Variants in DTNB observed in about 807,000 individuals in gnomAD.
DTNB encodes the protein dystrobrevin beta.
DTNB carries 63 observed loss-of-function variants against 90.7 expected under a neutral mutation model. The ratio of observed to expected loss-of-function variants is 0.69; its 90% CI spans 0.57 to 0.86. The LOEUF (loss-of-function observed/expected upper bound fraction) is 0.86. Among genes scored for constraint, DTNB ranks in the 40% least tolerant of loss-of-function variants. The pLI is 0.00. For synonymous variants in DTNB, 277 were observed against 286.7 expected, an observed-to-expected ratio of 0.97 and a Z score of 0.34; for missense variants, 744 against 807.1, an observed-to-expected ratio of 0.92 and a Z score of 0.95.
intron 12 of DTNB, among the ~76,000 whole-genome samples, chr2:25,444,210 C>T (rs1046225492): frequency 6.6e-6 from 1 of 151,994 alleles, no homozygotes; most frequent in African/African-American, 2.4e-5. Flanking sequence ...TACAATTTAC[C>T]ACACATTATA....
chr2:25,562,547 C>T (rs566697514), intron 8 of DTNB, among the ~76,000 whole-genome samples: 7 of 152,308 alleles, frequency 4.6e-5, no homozygotes, highest in Admixed American at 1.3e-4. Context: ...TTCCCACCAA[C>T]GAAGTATAAG....
chr2:25,453,290 G>C (rs1040326167), intron 11 of DTNB, among the ~76,000 whole-genome samples: 2 of 152,172 alleles, frequency 1.3e-5, no homozygotes, highest in Non-Finnish European at 2.9e-5. Flanking sequence ...ATGTTTTCTA[G>C]CCAGAAACTA....
intron 10 of DTNB, 137 bp from the exon 11 acceptor site, chr2:25,455,631 C>A (rs947468488): frequency 4.3e-6 from 3 of 696,358 alleles, no homozygotes; most frequent in Non-Finnish European, 7.1e-6. Flanking sequence ...CAATAAAAAA[C>A]CCACAATGCA....
At chr2:25,596,920 C>T (rs2064786069) in intron 5 of DTNB, among the ~76,000 whole-genome samples, 1 of 152,158 alleles carries the variant, frequency 6.6e-6, no homozygotes, top group Non-Finnish European at 1.5e-5. Flanking sequence ...ACTTTATCTG[C>T]TTGCAGGGAG....
chr2:25,633,042 A>G (rs1379968903), intron 3 of DTNB, among the ~76,000 whole-genome samples: 1 of 152,256 alleles, frequency 6.6e-6, no homozygotes. Context: ...GTACATAGAA[A>G]TCAAAGATTC....
At chr2:25,471,700 C>G (rs1464604309) in intron 10 of DTNB, among the ~76,000 whole-genome samples, 1 of 152,128 alleles carries the variant, frequency 6.6e-6, no homozygotes. Flanking sequence ...CCGCATCTGG[C>G]CTGCATCAAA....
chr2:25,504,626 G>C (rs753121596), intron 9 of DTNB, among the ~76,000 whole-genome samples: 7 of 151,786 alleles, frequency 4.6e-5, no homozygotes, highest in Non-Finnish European at 8.8e-5. Context: ...AAGATGGAAG[G>C]AAGGAAGGAA....
At chr2:25,386,283 T>C (rs553072616) in intron 18 of DTNB, among the ~76,000 whole-genome samples, 1 of 152,318 alleles carries the variant, frequency 6.6e-6, no homozygotes, top group South Asian at 2.1e-4. Context: ...ACATGTGAGC[T>C]TTCTCCTACG....
At chr2:25,668,425 T>C (rs1445980274) in intron 1 of DTNB, among the ~76,000 whole-genome samples, 1 of 152,220 alleles carries the variant, frequency 6.6e-6, no homozygotes, top group Non-Finnish European at 1.5e-5. Flanking sequence ...ATTTATTCTG[T>C]CTGTACTGTT....
chr2:25,563,930 G>A (rs960793178), intron 8 of DTNB, among the ~76,000 whole-genome samples: 16 of 151,168 alleles, frequency 1.1e-4, no homozygotes, highest in African/African-American at 3.2e-4. Flanking sequence ...TCACTCTGTC[G>A]CCCAGGCTGC....
chr2:25,647,196 A>C (rs1245746084), intron 2 of DTNB, among the ~76,000 whole-genome samples: 2 of 152,232 alleles, frequency 1.3e-5, no homozygotes, highest in Non-Finnish European at 2.9e-5. Context: ...GGGTAACTAC[A>C]CAATGACAAA....
intron 9 of DTNB, among the ~76,000 whole-genome samples, chr2:25,488,998 T>G (rs560255292): frequency 1.3e-5 from 2 of 152,182 alleles, no homozygotes; most frequent in African/African-American, 2.4e-5. Flanking sequence ...TAGGAGAGGT[T>G]TGGGGACCTA....
chr2:25,583,288 CAT>C (rs1236522967), intron 6 of DTNB, among the ~76,000 whole-genome samples: 13 of 148,132 alleles, frequency 8.8e-5, no homozygotes, highest in Non-Finnish European at 1.6e-4. Context: ...TATACACACA[CAT>C]ACACATGTAT....
chr2:25,652,811 A>G, intron 1 of DTNB, 150 bp from the exon 2 acceptor site: 1 of 623,402 alleles, frequency 1.6e-6, no homozygotes, highest in Non-Finnish European at 2.6e-6. Context: ...AGCCTGATTC[A>G]GAAAAAGATA....
At chr2:25,440,100 G>A (rs1338139499) in intron 12 of DTNB, among the ~76,000 whole-genome samples, 1 of 151,864 alleles carries the variant, frequency 6.6e-6, no homozygotes, top group Non-Finnish European at 1.5e-5. Context: ...AAGATGCCCA[G>A]AAAAAAAACT....
chr2:25,390,794 C>A (rs2149561187), intron 16 of DTNB, among the ~76,000 whole-genome samples: 1 of 151,708 alleles, frequency 6.6e-6, no homozygotes, highest in South Asian at 2.1e-4. Flanking sequence ...ATGAACAAAT[C>A]AATTCAGAAT....
intron 8 of DTNB, among the ~76,000 whole-genome samples, chr2:25,573,641 T>G (rs2060211287): frequency 6.6e-6 from 1 of 152,200 alleles, no homozygotes; most frequent in Non-Finnish European, 1.5e-5. Context: ...TTCCAACACT[T>G]GACCTAGAGC....
intron 8 of DTNB, among the ~76,000 whole-genome samples, 162 bp from the exon 9 acceptor site, chr2:25,531,759 A>G (rs2078252942): frequency 1.3e-5 from 2 of 152,228 alleles, no homozygotes; most frequent in African/African-American, 4.8e-5. Context: ...AGGAACCTCC[A>G]GTTGTTCCAA....
intron 8 of DTNB, among the ~76,000 whole-genome samples, chr2:25,573,050 G>A (rs1038673151): frequency 2.0e-5 from 3 of 151,976 alleles, no homozygotes; most frequent in East Asian, 1.9e-4. Flanking sequence ...AGGTTCAAGC[G>A]ATTCTCCTGC....
Sources: allele counts gnomAD v4.1 joint callset (sites outside exome capture counted in the v4.1 genomes callset), GRCh38; gene constraint gnomAD v4.1.1; transcripts MANE v1.5; gene names NCBI Gene and HGNC (gene_info 2026-07-23, HGNC 2026-07-21).